Variants in VNN1 observed in about 807,000 individuals in gnomAD.
VNN1 encodes pantetheinase.
VNN1 carries 29 observed loss-of-function variants against 41.9 expected under a neutral mutation model. The ratio of observed to expected loss-of-function variants is 0.69; its 90% CI spans 0.52 to 0.94. The LOEUF (loss-of-function observed/expected upper bound fraction) is 0.94. VNN1 is among the 40% of genes least tolerant of loss of function. VNN1 has a pLI of 0.00. For synonymous variants in VNN1, 233 were observed against 224.4 expected (o/e 1.04, Z -0.34); for missense variants, 637 against 621.1 (o/e 1.03, Z -0.27).
At position 132,692,510 on chromosome 6, in the gene VNN1, G is replaced by C; in HGVS notation, c.901C>G (p.Leu301Val). The C allele has an allele frequency of 6.2e-7, 1 of 1,612,640 alleles. No individual in the cohort carries two copies. The highest frequency in any genetic ancestry group is 8.5e-7 in the Non-Finnish European group (1 of 1,179,964). The change falls in exon 5 of 7, where the codon CTC becomes GTC. Residue 301 changes from leucine (L) to valine (V), a missense_variant. Transcript: ENST00000367928. ...DMKTEEGKLL[L>V]SQLDSHPSHS... ...GATGGGTGGGAATCCAGTTGCGAGA[G>C]GAGGAGTTTTCCCTCTTCTGTCTTC...
chr6:132,692,192 T>C (rs1778296862), intron 5 of VNN1, 31 bp downstream of exon 5: 1 of 1,514,906 alleles, frequency 6.6e-7, no homozygotes, highest in Non-Finnish European at 8.8e-7. Flanking sequence ...CTTTATTTTA[T>C]CCAGTAACTC....
At chr6:132,702,570 C>T (rs1179889762) in intron 2 of VNN1, among the ~76,000 whole-genome samples, 1 of 152,150 alleles carries the variant, frequency 6.6e-6, no homozygotes, top group Non-Finnish European at 1.5e-5. Flanking sequence ...CAACCCTCCT[C>T]CAACTCCAGG....
chr6:132,713,974 C>A lies in VNN1; in HGVS notation c.62G>T (p.Cys21Phe). 1 of 1,614,154 alleles carries A rather than the reference C, an allele frequency of 6.2e-7. No homozygotes were observed. The part of the protein sequence containing the change: ...ILLFYVSRAS[C>F]QDTFTAAVYE... ...AACAGCTGCAGTGAAAGTGTCCTGG[C>A]AGCTGGCTCTTGAGACATAGAAAAG... The change falls in exon 1 of 7, where the codon TGC (cysteine) becomes TTC (phenylalanine). Residue 21 changes from cysteine to phenylalanine, a missense_variant. Cys to Phe is a radical substitution (Grantham distance 205). Transcript: ENST00000367928.
intron 2 of VNN1, among the ~76,000 whole-genome samples, chr6:132,698,438 A>C (rs1302777624): frequency 1.3e-5 from 2 of 152,266 alleles, no homozygotes. Context: ...GAGCTGTCCA[A>C]GCATACAATG....
chr6:132,709,107 A>G (rs2114373931), intron 2 of VNN1, among the ~76,000 whole-genome samples: 1 of 152,026 alleles, frequency 6.6e-6, no homozygotes, highest in African/African-American at 2.4e-5. Flanking sequence ...CACCTTCCCC[A>G]CTTTATTTTT....
In VNN1 at chr6:132,713,635, C is replaced by T. The variant is rs150427165; in HGVS notation, c.210+191G>A. Among the ~76,000 whole-genome samples the T allele has an allele frequency of 2.1e-4, 32 of 152,292 alleles. No individual in the cohort carries two copies. In the East Asian group the frequency reaches 6.0e-3, roughly 28 times the overall value. ...AAATTGTTCTTTTCTTAACTTTGTTCTTACTTTTAGGGAAGTCCTTGCTCT... is the reference window on the plus strand; with the variant it reads ...AAATTGTTCTTTTCTTAACTTTGTTTTTACTTTTAGGGAAGTCCTTGCTCT... On this transcript the variant is annotated intron_variant, in intron 1 of 6. Coordinates refer to ENST00000367928, the MANE Select transcript of VNN1 (RefSeq NM_004666.3).
intron 5 of VNN1, among the ~76,000 whole-genome samples, chr6:132,691,205 G>A (rs575194759): frequency 1.3e-5 from 2 of 152,182 alleles, no homozygotes; most frequent in Non-Finnish European, 2.9e-5. Flanking sequence ...TCAATTAGAA[G>A]TCAGTGAAGA....
At chr6:132,683,839 T>G (rs902836532) in intron 6 of VNN1, among the ~76,000 whole-genome samples, 1 of 152,252 alleles carries the variant, frequency 6.6e-6, no homozygotes, top group Non-Finnish European at 1.5e-5. Context: ...AGAGCACATG[T>G]GAAGCAAGGG....
rs1166079462 is a variant in VNN1, at chr6:132,681,947, C to T, written c.*1193G>A. On this transcript the variant is annotated 3_prime_UTR_variant, in exon 7 of 7. Transcript: ENST00000367928. ...GCTTTGCACAGTGCATGGCTGTTAT[C>T]GGTACTATGTAATTGTCCATCATCA... The T allele has an allele frequency of 2.0e-5, 3 of 152,414 alleles. No individual in the cohort carries two copies. The highest frequency in any genetic ancestry group is 4.4e-5 in the Non-Finnish European group (3 of 68,024). 9.4% of individuals were successfully genotyped at this position (152,414 alleles called of 1,614,324 possible).
At chr6:132,708,832 C>T (rs1778555107) in intron 2 of VNN1, among the ~76,000 whole-genome samples, 2 of 152,112 alleles carry the variant, frequency 1.3e-5, no homozygotes, top group Non-Finnish European at 2.9e-5. Flanking sequence ...ACATTGCGCT[C>T]CTCCTGCCCT....
At chr6:132,706,245 AC>A (rs965939714) in intron 2 of VNN1, among the ~76,000 whole-genome samples, 35 of 152,292 alleles carry the variant, frequency 2.3e-4, no homozygotes, top group Admixed American at 2.0e-3. Flanking sequence ...ACATTACCTG[AC>A]TTTAAATTAT....
chr6:132,681,217 G>A lies in VNN1; in HGVS notation c.*1923C>T, dbSNP rs1013473233. The stretch of plus-strand genomic sequence containing the variant: ...CTGTGGCTTACATCCAAGTTCCCTC[G>A]CTCTTTCTCTCATGTGCTTTCTCTC... On this transcript the variant is annotated 3_prime_UTR_variant, in exon 7 of 7. Coordinates refer to ENST00000367928, the MANE Select transcript of VNN1 (RefSeq NM_004666.3). Among the ~76,000 whole-genome samples, 5 of 152,086 alleles carry A rather than the reference G, an allele frequency of 3.3e-5. No homozygotes were observed. Among genetic ancestry groups the A allele is most frequent in the African/African-American group, 4.8e-5 (2 of 41,416 alleles).
In VNN1 at chr6:132,693,263, A is replaced by G. The variant is rs1482887511; in HGVS notation, c.587T>C (p.Ile196Thr). Residue 196 changes from isoleucine (I) to threonine (T), a missense_variant, in exon 4 of 7, where the codon ATT becomes ACT. Ile to Thr is a moderately conservative substitution (Grantham distance 89, BLOSUM62 -1). Coordinates refer to ENST00000367928, the MANE Select transcript of VNN1 (RefSeq NM_004666.3). ...TCCAAAGGTGGTATTGAAAGTCACA[A>G]TCTCAGGCTCCTTGGGTACATTGAA... is the stretch of plus-strand genomic sequence containing the variant. ...NQFNVPKEPE[I>T]VTFNTTFGSF... is the part of the protein sequence containing the mutation. The G allele has an allele frequency of 4.3e-6, 7 of 1,613,954 alleles. No individual in the cohort carries two copies. The highest frequency in any genetic ancestry group is 1.1e-5 in the South Asian group (1 of 91,068).
intron 2 of VNN1, among the ~76,000 whole-genome samples, chr6:132,707,226 C>CAAA (rs61642987): frequency 0.023 from 3,198 of 137,448 alleles, 128 homozygotes; most frequent in African/African-American, 0.078. Flanking sequence ...GGCTCTGTCT[C>CAAA]AAAAAAAAAA....
At chr6:132,707,875 G>C (rs1312321364) in intron 2 of VNN1, among the ~76,000 whole-genome samples, 1 of 152,168 alleles carries the variant, frequency 6.6e-6, no homozygotes, top group East Asian at 1.9e-4. Flanking sequence ...TAGCACAACA[G>C]GGTGACTATA....
chr6:132,685,718 T>C (rs1778195729), intron 5 of VNN1, among the ~76,000 whole-genome samples: 1 of 151,890 alleles, frequency 6.6e-6, no homozygotes, highest in East Asian at 1.9e-4. Flanking sequence ...GAGCTAGGAG[T>C]AAAGTTGTGG....
At chr6:132,700,325 A>G (rs561061393) in intron 2 of VNN1, among the ~76,000 whole-genome samples, 1 of 152,206 alleles carries the variant, frequency 6.6e-6, no homozygotes, top group Non-Finnish European at 1.5e-5. Context: ...AAAAATTTTC[A>G]GAGGCATTGT....
chr6:132,698,018 C>G (rs1778396474), intron 2 of VNN1, among the ~76,000 whole-genome samples: 2 of 152,282 alleles, frequency 1.3e-5, no homozygotes, highest in African/African-American at 4.8e-5. Context: ...TTCATGTATT[C>G]TAATATATTT....
At position 132,683,068 on chromosome 6, in the gene VNN1, C is replaced by A. The variant is rs778268520; in HGVS notation, c.*72G>T. 32 of 1,413,312 alleles carry A rather than the reference C, an allele frequency of 2.3e-5. No homozygotes were observed. Among genetic ancestry groups the A allele is most frequent in the Middle Eastern group, 2.4e-4 (1 of 4,192 alleles). 87.5% of individuals were successfully genotyped at this position (1,413,312 alleles called of 1,614,324 possible). On this transcript the variant is annotated 3_prime_UTR_variant, in exon 7 of 7. Transcript: ENST00000367928. ...CTTATACTAGAGGATAATATTAACC[C>A]GGACCAATCTTTCTTTTCTCATCCA... is the stretch of plus-strand genomic sequence containing the variant.
Sources: gnomAD v4.1 joint callset for allele counts (sites outside exome capture counted in the v4.1 genomes callset) on GRCh38, gnomAD v4.1.1 for gene constraint, MANE v1.5 for transcripts, NCBI Gene and HGNC (gene_info 2026-07-23, HGNC 2026-07-21) for gene names.